Variants in SYNPR observed in about 807,000 individuals in gnomAD.
SYNPR encodes the protein synaptoporin.
Under a neutral mutation model 32.9 loss-of-function variants are expected in SYNPR, and 23 were observed. The observed-to-expected ratio is 0.70, with a 90% CI of 0.50 to 0.99. The LOEUF (loss-of-function observed/expected upper bound fraction) is 0.99. Among genes scored for constraint, SYNPR ranks in the 50% least tolerant of loss-of-function variants. The probability of loss-of-function intolerance (pLI) is 0.00; values close to 1 mark genes in which losing one functional copy is unlikely to be tolerated. For missense variants in SYNPR, 318 were observed against 349.3 expected, an observed-to-expected ratio of 0.91 and a Z score of 0.71; for synonymous variants, 146 against 135.9, an observed-to-expected ratio of 1.07 and a Z score of -0.52.
intron 2 of SYNPR, among the ~76,000 whole-genome samples, chr3:63,458,217 T>C (rs1000303461): frequency 2.0e-5 from 3 of 152,144 alleles, no homozygotes; most frequent in Admixed American, 6.6e-5. Context: ...TTCACTATCT[T>C]GACACTCTCT....
chr3:63,282,215 T>C (rs1378674001), intron 2 of SYNPR, among the ~76,000 whole-genome samples: 1 of 152,222 alleles, frequency 6.6e-6, no homozygotes, highest in Non-Finnish European at 1.5e-5. Flanking sequence ...TTTCACATCA[T>C]CTTGTAAGTT....
At chr3:63,600,970 T>C (rs1190280478) in intron 4 of SYNPR, among the ~76,000 whole-genome samples, 6 of 152,192 alleles carry the variant, frequency 3.9e-5, no homozygotes, top group Non-Finnish European at 7.3e-5. Flanking sequence ...ATACTTTGCT[T>C]AGTTAAAGAA....
At chr3:63,235,691 C>T (rs1468155497) in intron 1 of SYNPR, among the ~76,000 whole-genome samples, 1 of 152,108 alleles carries the variant, frequency 6.6e-6, no homozygotes, top group Non-Finnish European at 1.5e-5. Flanking sequence ...TGTACCTAAC[C>T]TTTAGCGACC....
At chr3:63,447,206 C>T (rs992931480) in intron 2 of SYNPR, among the ~76,000 whole-genome samples, 1 of 152,136 alleles carries the variant, frequency 6.6e-6, no homozygotes, top group African/African-American at 2.4e-5. Flanking sequence ...CCACAGTGTT[C>T]ATCAAATATA....
intron 2 of SYNPR, among the ~76,000 whole-genome samples, chr3:63,371,044 C>G (rs11915892): frequency 0.76 from 114,774 of 151,902 alleles, 44,327 homozygotes; most frequent in East Asian, 0.98. Context: ...GGACACATTG[C>G]GATTCATCAA....
intron 2 of SYNPR, among the ~76,000 whole-genome samples, chr3:63,399,319 G>A (rs553496672): frequency 2.4e-4 from 37 of 152,308 alleles, no homozygotes; most frequent in African/African-American, 8.7e-4. Context: ...TGAAGAGATG[G>A]CATATACCTG....
upstream of SYNPR, among the ~76,000 whole-genome samples, chr3:63,223,669 C>T (rs1290195930): frequency 1.3e-5 from 2 of 152,176 alleles, no homozygotes; most frequent in African/African-American, 4.8e-5. Context: ...CATCCAAGAA[C>T]CTGACTAGCA....
chr3:63,305,662 G>A (rs1403702), intron 2 of SYNPR, among the ~76,000 whole-genome samples: 6 of 152,014 alleles, frequency 3.9e-5, no homozygotes, highest in African/African-American at 1.2e-4. Flanking sequence ...GTGGGGCCTA[G>A]GCATTTTTAT....
At chr3:63,296,085 C>A (rs1325915890) in intron 2 of SYNPR, among the ~76,000 whole-genome samples, 1 of 152,056 alleles carries the variant, frequency 6.6e-6, no homozygotes, top group African/African-American at 2.4e-5. Flanking sequence ...TGCATGGGGC[C>A]ATCATATGAG....
At chr3:63,581,388 A>T (rs1251145232) in intron 4 of SYNPR, among the ~76,000 whole-genome samples, 1 of 93,276 alleles carries the variant, frequency 1.1e-5, no homozygotes, top group African/African-American at 3.3e-5. Context: ...GCTCATTCCA[A>T]ATCAGTAACA....
chr3:63,409,542 G>A (rs927400530), intron 2 of SYNPR, among the ~76,000 whole-genome samples: 1 of 152,092 alleles, frequency 6.6e-6, no homozygotes, highest in Non-Finnish European at 1.5e-5. Context: ...CCATGAAGAT[G>A]TACAGTGAGG....
intron 1 of SYNPR, among the ~76,000 whole-genome samples, chr3:63,250,679 A>C (rs535782268): frequency 1.3e-5 from 2 of 152,160 alleles, no homozygotes; most frequent in Non-Finnish European, 2.9e-5. Context: ...TTTTAGCTTA[A>C]ATTTAAAGAT....
intron 2 of SYNPR, among the ~76,000 whole-genome samples, chr3:63,462,443 G>T (rs1700601423): frequency 6.6e-6 from 1 of 151,984 alleles, no homozygotes; most frequent in African/African-American, 2.4e-5. Flanking sequence ...TTTATTTTAA[G>T]AAAAATGTCT....
intron 3 of SYNPR, among the ~76,000 whole-genome samples, chr3:63,547,446 C>T (rs1702427529): frequency 1.3e-5 from 2 of 152,106 alleles, no homozygotes; most frequent in Non-Finnish European, 2.9e-5. Flanking sequence ...AAGGCAGACT[C>T]TCTCCCCACA....
intron 4 of SYNPR, among the ~76,000 whole-genome samples, chr3:63,584,062 G>GT (rs1429940851): frequency 6.6e-6 from 1 of 152,094 alleles, no homozygotes; most frequent in African/African-American, 2.4e-5. Context: ...ATTTGCGGGT[G>GT]TGGAGGCATT....
At chr3:63,502,302 C>T (rs185044028) in intron 3 of SYNPR, among the ~76,000 whole-genome samples, 12 of 151,906 alleles carry the variant, frequency 7.9e-5, no homozygotes, top group African/African-American at 2.4e-4. Context: ...CTCATAATCC[C>T]CCTTCCCCGC....
chr3:63,481,692 T>C (rs1701050233), intron 3 of SYNPR, among the ~76,000 whole-genome samples: 1 of 152,082 alleles, frequency 6.6e-6, no homozygotes, highest in Non-Finnish European at 1.5e-5. Context: ...CCCTGAAAAT[T>C]TAGTACAAAG....
chr3:63,335,766 C>CTTTTTTTTTTTTTTTTTTTT (rs3082128), intron 2 of SYNPR, among the ~76,000 whole-genome samples: 1 of 91,472 alleles, frequency 1.1e-5, no homozygotes, highest in Non-Finnish European at 2.1e-5. Context: ...TATTAGCTTC[C>CTTTTTTTTTTTTTTTTTTTT]TTTTTTTTTT....
chr3:63,316,135 G>C (rs2087040972), intron 2 of SYNPR, among the ~76,000 whole-genome samples: 1 of 151,994 alleles, frequency 6.6e-6, no homozygotes, highest in Non-Finnish European at 1.5e-5. Flanking sequence ...GTTGGATTCA[G>C]TTAGCTAGTA....
Sources: gnomAD v4.1 joint callset for allele counts (sites outside exome capture counted in the v4.1 genomes callset) on GRCh38, gnomAD v4.1.1 for gene constraint, MANE v1.5 for transcripts, NCBI Gene and HGNC (gene_info 2026-07-23, HGNC 2026-07-21) for gene names.